Variants in SNX4 observed in about 807,000 individuals in gnomAD.
SNX4 encodes sorting nexin 4.
SNX4 carries 49 observed loss-of-function variants against 70.8 expected under a neutral mutation model. The observed-to-expected ratio is 0.69, with a 90% CI of 0.55 to 0.88. The LOEUF (loss-of-function observed/expected upper bound fraction) is 0.88. Among genes scored for constraint, SNX4 ranks in the 40% least tolerant of loss-of-function variants. SNX4 has a pLI of 0.00. For synonymous variants in SNX4, 206 were observed against 183.8 expected (o/e 1.12, Z -0.98); for missense variants, 528 against 544.8 (o/e 0.97, Z 0.31).
intron 1 of SNX4, 95 bp downstream of exon 1, chr3:125,519,937 T>C (rs1363865894): frequency 3.4e-6 from 3 of 874,666 alleles, no homozygotes. Flanking sequence ...CCGAGCCCAC[T>C]GGCCCGGCCC....
chr3:125,455,329 TA>T (rs1305529315), intron 11 of SNX4, among the ~76,000 whole-genome samples: 1 of 152,148 alleles, frequency 6.6e-6, no homozygotes, highest in South Asian at 2.1e-4. Flanking sequence ...CTTTATGTTA[TA>T]AAAAAAGTCG....
chr3:125,502,308 C>T (rs528728007), intron 2 of SNX4, among the ~76,000 whole-genome samples: 1 of 151,874 alleles, frequency 6.6e-6, no homozygotes, highest in African/African-American at 2.4e-5. Flanking sequence ...CACATTACCT[C>T]TCTCATTTCC....
At chr3:125,456,426 G>T (rs994508681) in intron 11 of SNX4, among the ~76,000 whole-genome samples, 5 of 152,054 alleles carry the variant, frequency 3.3e-5, no homozygotes, top group Admixed American at 2.0e-4. Context: ...TTTGGGAGGC[G>T]GAGGTGGGAG....
intron 13 of SNX4, chr3:125,449,181 T>G (rs1310542596): frequency 6.6e-6 from 1 of 151,918 alleles, no homozygotes; most frequent in Non-Finnish European, 1.5e-5. Context: ...CCCAGCACTT[T>G]GGGAGGTGGA....
chr3:125,500,401 T>C (rs1580004289), intron 2 of SNX4, among the ~76,000 whole-genome samples: 2 of 152,192 alleles, frequency 1.3e-5, no homozygotes, highest in African/African-American at 4.8e-5. Flanking sequence ...CAAAAATCTC[T>C]TGGGGAATTA....
chr3:125,452,018 A>G (rs1168412395), intron 12 of SNX4, among the ~76,000 whole-genome samples: 1 of 152,158 alleles, frequency 6.6e-6, no homozygotes, highest in Non-Finnish European at 1.5e-5. Flanking sequence ...CACAAACCTA[A>G]CAGGTGTCAG....
At chr3:125,470,765 A>C (rs941614954) in intron 8 of SNX4, among the ~76,000 whole-genome samples, 8 of 152,186 alleles carry the variant, frequency 5.3e-5, no homozygotes, top group Admixed American at 5.2e-4. Flanking sequence ...TCAAGGATAA[A>C]ATCTCTAGCC....
rs753634556 is a variant in SNX4 at position 125,498,188 on chromosome 3, A to G, written c.270T>C (p.Val90=). The part of the protein sequence containing the change: ...YTAYLIETRS[V]EHTDGQSVLT... ...GGACACTCTGACCATCGGTATGTTC[A>G]ACTGACCTGAAAAGGAACAGAACAA... Residue 90 remains valine (V), a synonymous_variant, in exon 3 of 14, where the codon GTT becomes GTC. Coordinates refer to ENST00000251775, the MANE Select transcript of SNX4 (RefSeq NM_003794.4). The G allele has an allele frequency of 6.2e-7, 1 of 1,613,226 alleles. No individual in the cohort carries two copies. Among genetic ancestry groups the G allele is most frequent in the African/African-American group, 1.3e-5 (1 of 75,034 alleles).
At chr3:125,488,194 G>T (rs1308825637) in intron 6 of SNX4, among the ~76,000 whole-genome samples, 2 of 108,534 alleles carry the variant, frequency 1.8e-5, no homozygotes, top group Non-Finnish European at 3.8e-5. Flanking sequence ...AAAAAAAAAA[G>T]GCCAGGCATG....
chr3:125,502,571 TA>T (rs201121962), intron 2 of SNX4, among the ~76,000 whole-genome samples: 3,157 of 152,030 alleles, frequency 0.021, 108 homozygotes, highest in African/African-American at 0.072. Context: ...TTTTTTTTCT[TA>T]AAAAAGTATT....
intron 10 of SNX4, among the ~76,000 whole-genome samples, chr3:125,457,803 C>T (rs1206825428): frequency 6.6e-6 from 1 of 151,600 alleles, no homozygotes; most frequent in Non-Finnish European, 1.5e-5. Flanking sequence ...TCTCAAACTG[C>T]TGACCTGAGG....
At chr3:125,513,150 TGAG>T in intron 1 of SNX4, among the ~76,000 whole-genome samples, 1 of 152,300 alleles carries the variant, frequency 6.6e-6, no homozygotes, top group South Asian at 2.1e-4. Flanking sequence ...GATTAGGACA[TGAG>T]GGTAGGGCCC....
At position 125,446,910 on chromosome 3, in the gene SNX4, AAAG is replaced by A. The variant is rs1454436818; in HGVS notation, c.*866_*868del. ...ACAAAAATTACAGCCAAGCAATAGA[AAAG>A]AAGGATGTTAATGATGAAGATAGCA... On this transcript the variant is annotated 3_prime_UTR_variant, in exon 14 of 14. Transcript: ENST00000251775. The A allele has an allele frequency of 2.0e-5, 3 of 152,620 alleles. No individual in the cohort carries two copies. Among genetic ancestry groups the A allele is most frequent in the Admixed American group, 6.5e-5 (1 of 15,280 alleles). The allele number at this position is 152,620 out of a possible 1,614,324, so 9.5% of individuals were successfully genotyped here.
chr3:125,504,013 AGAGT>A (rs1934986915), intron 2 of SNX4, among the ~76,000 whole-genome samples: 1 of 152,060 alleles, frequency 6.6e-6, no homozygotes, highest in Non-Finnish European at 1.5e-5. Flanking sequence ...ACTGAGCAAC[AGAGT>A]GAGACCCCAT....
chr3:125,451,783 C>A lies in SNX4; in HGVS notation c.1191-364G>T, dbSNP rs945217924. ...CTGGGATTACAGGCACACGCCACTACGCCCAACTAATTTTTGTATTTTTAG... is the reference window on the plus strand; with the variant it reads ...CTGGGATTACAGGCACACGCCACTAAGCCCAACTAATTTTTGTATTTTTAG... On this transcript the variant is annotated intron_variant, in intron 12 of 13. Transcript: ENST00000251775. Among the ~76,000 whole-genome samples, 122 of 151,986 alleles carry A rather than the reference C, an allele frequency of 8.0e-4. 2 individuals carry two copies. The highest frequency in any genetic ancestry group is 2.8e-4 in the Non-Finnish European group (19 of 67,990).
chr3:125,458,109 T>C (rs1933770623), intron 10 of SNX4, among the ~76,000 whole-genome samples: 1 of 152,068 alleles, frequency 6.6e-6, no homozygotes, highest in African/African-American at 2.4e-5. Flanking sequence ...CAACTGAGTA[T>C]TCTTAGAAAA....
chr3:125,466,788 T>TA (rs890753384), intron 9 of SNX4, among the ~76,000 whole-genome samples: 5 of 151,560 alleles, frequency 3.3e-5, no homozygotes, highest in African/African-American at 9.7e-5. Context: ...AGACTCTGTT[T>TA]AAAAAAAGAA....
chr3:125,512,918 A>T (rs1320624201), intron 1 of SNX4, among the ~76,000 whole-genome samples: 1 of 152,150 alleles, frequency 6.6e-6, no homozygotes, highest in East Asian at 1.9e-4. Context: ...GTGTACCACC[A>T]CATTCAACTA....
At chr3:125,467,640 T>C (rs1934067809) in intron 9 of SNX4, among the ~76,000 whole-genome samples, 1 of 152,150 alleles carries the variant, frequency 6.6e-6, no homozygotes, top group South Asian at 2.1e-4. Context: ...CTTGAACTCC[T>C]AGGCTCAAGA....
Sources: allele counts gnomAD v4.1 joint callset (sites outside exome capture counted in the v4.1 genomes callset), GRCh38; gene constraint gnomAD v4.1.1; transcripts MANE v1.5; gene names NCBI Gene and HGNC (gene_info 2026-07-23, HGNC 2026-07-21).